LNPEP: variants seen among roughly 807,000 people sequenced by gnomAD.
The protein encoded by LNPEP is leucyl and cystinyl aminopeptidase, also known as leucyl-cystinyl aminopeptidase.
In LNPEP, 64 loss-of-function variants were observed where a neutral mutation model predicts 120.6. That is an observed-to-expected ratio of 0.53 (90% CI 0.43 to 0.65). The LOEUF is 0.65. Among genes scored for constraint, LNPEP ranks in the 30% least tolerant of loss-of-function variants. The probability of loss-of-function intolerance (pLI) is 0.00; values close to 1 mark genes in which losing one functional copy is unlikely to be tolerated. For missense variants in LNPEP, 1,057 were observed against 1,200.0 expected, an observed-to-expected ratio of 0.88 and a Z score of 1.76; for synonymous variants, 435 against 425.4, an observed-to-expected ratio of 1.02 and a Z score of -0.28.
At chr5:97,021,251 G>A (rs1460598296) in intron 13 of LNPEP, among the ~76,000 whole-genome samples, 2 of 152,292 alleles carry the variant, frequency 1.3e-5, no homozygotes, top group African/African-American at 2.4e-5. Flanking sequence ...ACATGTGTGC[G>A]TATGTGTGTT....
chr5:96,945,987 T>C (rs1789177608), intron 1 of LNPEP, among the ~76,000 whole-genome samples: 1 of 152,200 alleles, frequency 6.6e-6, no homozygotes, highest in African/African-American at 2.4e-5. Context: ...GTAATACATG[T>C]CTGGTGTCTG....
chr5:97,016,004 C>T (rs935041919), intron 13 of LNPEP, among the ~76,000 whole-genome samples: 1 of 152,020 alleles, frequency 6.6e-6, no homozygotes, highest in Non-Finnish European at 1.5e-5. Context: ...CCTTACCCTG[C>T]GTCTCCTATG....
Position 97,037,341 on chromosome 5 carries a change from A to G in LNPEP, c.*8808A>G, listed in dbSNP as rs1224283209. The G allele has an allele frequency of 6.6e-6, 1 of 152,184 alleles. No individual in the cohort carries two copies. Among genetic ancestry groups the G allele is most frequent in the Non-Finnish European group, 1.5e-5 (1 of 68,032 alleles). The allele number at this position is 152,184 out of a possible 1,614,324, so 9.4% of individuals were successfully genotyped here. On this transcript the variant is annotated 3_prime_UTR_variant, in exon 18 of 18. Coordinates refer to ENST00000231368, the MANE Select transcript of LNPEP (RefSeq NM_005575.3). The stretch of plus-strand genomic sequence containing the variant: ...TGAAACATTTTGAAAATATGTATAT[A>G]TAATATTGTATATGCAAATTGTGTT...
intron 8 of LNPEP, among the ~76,000 whole-genome samples, chr5:96,999,263 T>G (rs1298570393): frequency 6.6e-6 from 1 of 152,172 alleles, no homozygotes; most frequent in South Asian, 2.1e-4. Context: ...GCTGCTAAAG[T>G]CCAGGCATGA....
intron 14 of LNPEP, among the ~76,000 whole-genome samples, chr5:97,022,746 C>T (rs1049599348): frequency 2.0e-5 from 3 of 149,322 alleles, no homozygotes; most frequent in African/African-American, 7.4e-5. Flanking sequence ...ATTAACTCGT[C>T]ATTTAGCATT....
Position 96,979,569 on chromosome 5 carries a change from A to T in LNPEP, c.451A>T (p.Ile151Phe), listed in dbSNP as rs1790076807. The T allele has an allele frequency of 6.2e-7, 1 of 1,613,992 alleles. No homozygotes were observed. The highest frequency in any genetic ancestry group is 8.5e-7 in the Non-Finnish European group (1 of 1,179,988). ...CHKKNQSIGL[I>F]QPFATNGKLF... ...TAAAAAAAACCAGTCAATTGGACTA[A>T]TTCAGCCATTTGCAACAAATGGGAA... is the stretch of plus-strand genomic sequence containing the variant. Residue 151 changes from isoleucine to phenylalanine, a missense_variant, in exon 2 of 18, where the codon ATT (isoleucine) becomes TTT (phenylalanine). By Grantham distance (21) the Ile-to-Phe change is conservative. Transcript: ENST00000231368.
At chr5:96,954,661 T>TATATACATATATACAC (rs1186155998) in intron 1 of LNPEP, among the ~76,000 whole-genome samples, 3 of 115,228 alleles carry the variant, frequency 2.6e-5, no homozygotes, top group Non-Finnish European at 1.8e-5. Context: ...TATATACACA[T>TATATACATATATACAC]ATATACATAT....
intron 13 of LNPEP, among the ~76,000 whole-genome samples, chr5:97,015,578 T>C (rs994951016): frequency 6.6e-6 from 1 of 152,158 alleles, no homozygotes; most frequent in African/African-American, 2.4e-5. Flanking sequence ...GTCTTAGTAT[T>C]AGAGACCATT....
intron 15 of LNPEP, among the ~76,000 whole-genome samples, chr5:97,025,245 A>G (rs1309604477): frequency 1.3e-5 from 2 of 152,190 alleles, no homozygotes; most frequent in East Asian, 3.9e-4. Flanking sequence ...AGAGGAATAT[A>G]GAGGTATCTG....
intron 1 of LNPEP, among the ~76,000 whole-genome samples, chr5:96,959,933 CT>C (rs11316262): frequency 0.057 from 6,489 of 113,194 alleles, 33 homozygotes; most frequent in Middle Eastern, 0.093. Context: ...TAAAATTTAT[CT>C]TTTTTTTTTT....
intron 6 of LNPEP, 74 bp downstream of exon 6, chr5:96,994,045 G>T: frequency 8.4e-7 from 1 of 1,194,938 alleles, no homozygotes; most frequent in Non-Finnish European, 1.2e-6. Flanking sequence ...TTAGCATTTA[G>T]ATGCTAATAA....
At chr5:96,998,496 G>C (rs946200422) in intron 8 of LNPEP, among the ~76,000 whole-genome samples, 1 of 152,188 alleles carries the variant, frequency 6.6e-6, no homozygotes, top group African/African-American at 2.4e-5. Context: ...GAGGTATGCT[G>C]TCAGGTCAGG....
chr5:97,020,541 G>C (rs1791168162), intron 13 of LNPEP, among the ~76,000 whole-genome samples: 1 of 152,070 alleles, frequency 6.6e-6, no homozygotes, highest in South Asian at 2.1e-4. Context: ...GGTGGCTCAC[G>C]CCCGTAATCC....
In LNPEP at chr5:97,034,544, T is replaced by A. The variant is rs1180598179; in HGVS notation, c.*6011T>A. The A allele has an allele frequency of 6.6e-6, 1 of 151,962 alleles. No individual in the cohort carries two copies. The highest frequency in any genetic ancestry group is 6.6e-5 in the Admixed American group (1 of 15,222). 9.4% of individuals were successfully genotyped at this position (151,962 alleles called of 1,614,324 possible). On this transcript the variant is annotated 3_prime_UTR_variant, in exon 18 of 18. Coordinates refer to ENST00000231368, the MANE Select transcript of LNPEP (RefSeq NM_005575.3). ...AGTTTTTTGTTTGGAGTTGTAGGAATCAAATGTAATGAGGGACCCAGACCC... is the reference window on the plus strand; with the variant it reads ...AGTTTTTTGTTTGGAGTTGTAGGAAACAAATGTAATGAGGGACCCAGACCC...
At chr5:96,997,008 A>T (rs544021153) in intron 7 of LNPEP, among the ~76,000 whole-genome samples, 1 of 152,010 alleles carries the variant, frequency 6.6e-6, no homozygotes, top group Non-Finnish European at 1.5e-5. Context: ...TAAGGTACAA[A>T]CCACATTTTA....
chr5:96,956,456 T>C (rs1789471911), intron 1 of LNPEP, among the ~76,000 whole-genome samples: 1 of 152,202 alleles, frequency 6.6e-6, no homozygotes, highest in African/African-American at 2.4e-5. Context: ...AGGCGGAGGT[T>C]GCAGTGAGCA....
intron 11 of LNPEP, among the ~76,000 whole-genome samples, chr5:97,009,145 A>G (rs1370997476): frequency 6.6e-6 from 1 of 151,698 alleles, no homozygotes; most frequent in Admixed American, 6.6e-5. Context: ...TGCATATGCT[A>G]TTTTCTCTCC....
At chr5:96,964,101 A>G (rs964209682) in intron 1 of LNPEP, among the ~76,000 whole-genome samples, 11 of 149,284 alleles carry the variant, frequency 7.4e-5, no homozygotes, top group Admixed American at 2.7e-4. Context: ...CTCTTCTATG[A>G]TTGATATCAA....
chr5:96,972,676 C>A (rs117204684), intron 1 of LNPEP, among the ~76,000 whole-genome samples: 1,861 of 152,176 alleles, frequency 0.012, 43 homozygotes, highest in East Asian at 0.071. Context: ...AGGTCACACT[C>A]TGTTAGCTAG....
Sources: gnomAD v4.1 joint callset for allele counts (sites outside exome capture counted in the v4.1 genomes callset) on GRCh38, gnomAD v4.1.1 for gene constraint, MANE v1.5 for transcripts, NCBI Gene and HGNC (gene_info 2026-07-23, HGNC 2026-07-21) for gene names.